Variants in CADM2 observed in about 807,000 individuals in gnomAD.
CADM2 encodes the protein immunoglobulin superfamily member 4D.
In CADM2, 12 loss-of-function variants were observed where a neutral mutation model predicts 49.8. The ratio of observed to expected loss-of-function variants is 0.24; its 90% CI spans 0.15 to 0.39. The LOEUF (loss-of-function observed/expected upper bound fraction) is 0.39. CADM2 is among the 10% of genes least tolerant of loss of function. The pLI is 1.00. For synonymous variants in CADM2, 214 were observed against 175.4 expected (o/e 1.22, Z -1.74); for missense variants, 378 against 492.3 (o/e 0.77, Z 2.20).
At chr3:86,065,507 A>G in intron 8 of CADM2, 98 bp from the exon 9 acceptor site, 1 of 1,258,604 alleles carries the variant, frequency 7.9e-7, no homozygotes. Flanking sequence ...ATTTAACAGA[A>G]ATTGTGTTAA....
intron 1 of CADM2, among the ~76,000 whole-genome samples, chr3:85,238,035 G>C (rs1576186361): frequency 6.6e-6 from 1 of 151,826 alleles, no homozygotes. Flanking sequence ...TTGGTAGTAT[G>C]AATAACACCT....
chr3:86,049,281 A>T (rs189360443), intron 8 of CADM2, among the ~76,000 whole-genome samples: 2,183 of 145,068 alleles, frequency 0.015, 36 homozygotes, highest in East Asian at 0.058. Context: ...TTTATTTTTT[A>T]TTTTTTTTTT....
chr3:85,049,327 G>GTTTGTTTGTTTA (rs373447374), intron 1 of CADM2, among the ~76,000 whole-genome samples: 20 of 146,238 alleles, frequency 1.4e-4, no homozygotes, highest in African/African-American at 5.1e-4. Context: ...TGCAGGTTTA[G>GTTTGTTTGTTTA]TTTATTTATT....
chr3:85,961,689 A>C lies in CADM2; in HGVS notation c.970+42A>C, dbSNP rs749056236. ...AAACATTATATGTGAAAGGATGCATAACTTGAAAAACTATTTAAATATATC... is the reference window on the plus strand; with the variant it reads ...AAACATTATATGTGAAAGGATGCATCACTTGAAAAACTATTTAAATATATC... On this transcript the variant is annotated intron_variant, in intron 8 of 9. Transcript: ENST00000383699. 2.9e-6 allele frequency: 4 copies of C among 1,389,182 alleles called. No individual in the cohort carries two copies. The Admixed American group carries it at 8.4e-5, about 29-fold the overall frequency. The allele number at this position is 1,389,182 out of a possible 1,614,324, so 86.1% of individuals were successfully genotyped here.
chr3:86,008,715 C>A (rs1731094590), intron 8 of CADM2, among the ~76,000 whole-genome samples: 1 of 151,806 alleles, frequency 6.6e-6, no homozygotes, highest in South Asian at 2.1e-4. Flanking sequence ...TTTTCTAGTT[C>A]AAAAACTATT....
At chr3:85,687,184 T>A (rs1559592974) in intron 1 of CADM2, among the ~76,000 whole-genome samples, 1 of 152,256 alleles carries the variant, frequency 6.6e-6, no homozygotes, top group Non-Finnish European at 1.5e-5. Context: ...AAAATTTTTT[T>A]AACTGACAAT....
chr3:85,984,702 A>G (rs1330541320), intron 8 of CADM2, among the ~76,000 whole-genome samples: 3 of 151,922 alleles, frequency 2.0e-5, no homozygotes, highest in Non-Finnish European at 4.4e-5. Context: ...TACACCATAC[A>G]TTTCAATGTA....
intron 1 of CADM2, among the ~76,000 whole-genome samples, chr3:85,215,109 A>G (rs2041887895): frequency 6.6e-6 from 1 of 152,078 alleles, no homozygotes; most frequent in African/African-American, 2.4e-5. Flanking sequence ...CCCAAGGCCC[A>G]TGGGGAGTAA....
chr3:85,537,134 TGTG>T (rs2061437495), intron 1 of CADM2, among the ~76,000 whole-genome samples: 2 of 152,128 alleles, frequency 1.3e-5, no homozygotes, highest in African/African-American at 2.4e-5. Context: ...AATTGTGTGA[TGTG>T]AGAAACAGTA....
intron 1 of CADM2, among the ~76,000 whole-genome samples, chr3:85,070,686 A>T (rs1233085125): frequency 6.6e-6 from 1 of 152,140 alleles, no homozygotes; most frequent in Non-Finnish European, 1.5e-5. Context: ...AATATGGCAT[A>T]GTTTAACATT....
rs112588770 is a variant in CADM2, at chr3:85,046,969, G to T, written c.61+87301G>T. ...CAAATTTCTAAAATAATAAACAATA[G>T]CTTATCATGTCCTAAAAAATAAGAC... On this transcript the variant is annotated intron_variant, in intron 1 of 9. Coordinates refer to ENST00000383699, the MANE Select transcript of CADM2 (RefSeq NM_001167675.2). Among the ~76,000 whole-genome samples the T allele has an allele frequency of 7.5e-3, 1,134 of 152,014 alleles. 15 individuals carry two copies. Among genetic ancestry groups the T allele is most frequent in the African/African-American group, 0.025 (1,029 of 41,454 alleles).
Position 85,883,980 on chromosome 3 carries a change from T to C in CADM2, c.391+537T>C, listed in dbSNP as rs184029026. 4.9e-3 allele frequency among the ~76,000 whole-genome samples: 743 copies of C among 152,340 alleles called. 7 individuals carry two copies. The highest frequency in any genetic ancestry group is 6.7e-3 in the Non-Finnish European group (454 of 68,022). ...TCCTTTTGAAATTATATTTTCTAGA[T>C]TCCTAAATGAAGTACCTAATGTCGC... On this transcript the variant is annotated intron_variant, in intron 4 of 9. Coordinates refer to ENST00000383699, the MANE Select transcript of CADM2 (RefSeq NM_001167675.2).
chr3:85,489,434 T>G (rs1024009544), intron 1 of CADM2, among the ~76,000 whole-genome samples: 1 of 152,162 alleles, frequency 6.6e-6, no homozygotes. Context: ...CAAGTTTTCA[T>G]TTAATATATT....
chr3:85,505,280 G>T (rs1363087884), intron 1 of CADM2, among the ~76,000 whole-genome samples: 2 of 152,230 alleles, frequency 1.3e-5, no homozygotes, highest in Non-Finnish European at 2.9e-5. Flanking sequence ...TATGTAACTT[G>T]TGTTTCAGTT....
intron 2 of CADM2, among the ~76,000 whole-genome samples, chr3:85,732,816 T>A (rs932884787): frequency 6.6e-6 from 1 of 152,220 alleles, no homozygotes; most frequent in Non-Finnish European, 1.5e-5. Flanking sequence ...GAAATTTAAG[T>A]TCACAAAATG....
In CADM2 at chr3:86,034,938, G is replaced by T. The variant is rs767959846; in HGVS notation, c.971-30667G>T. On this transcript the variant is annotated intron_variant, in intron 8 of 9. Transcript: ENST00000383699. ...CCCTACTTCTGCTGCTTTGTTGCAG[G>T]CTTTATTTGTCTCTCACCTAGATGA... 4.7e-4 allele frequency among the ~76,000 whole-genome samples: 72 copies of T among 151,740 alleles called. 1 individual carries two copies. The highest frequency in any genetic ancestry group is 1.9e-4 in the Non-Finnish European group (13 of 67,888).
chr3:85,103,449 G>A (rs917519595), intron 1 of CADM2, among the ~76,000 whole-genome samples: 1 of 152,024 alleles, frequency 6.6e-6, no homozygotes, highest in African/African-American at 2.4e-5. Context: ...TCATGAGGGA[G>A]CACAAGATAA....
At chr3:85,473,578 A>T (rs188317646) in intron 1 of CADM2, among the ~76,000 whole-genome samples, 155 of 152,210 alleles carry the variant, frequency 1.0e-3, no homozygotes, top group Admixed American at 4.4e-3. Context: ...AATGACATTC[A>T]GGTCATCAGG....
At chr3:85,944,157 G>T (rs1388941304) in intron 7 of CADM2, among the ~76,000 whole-genome samples, 1 of 151,938 alleles carries the variant, frequency 6.6e-6, no homozygotes, top group Admixed American at 6.6e-5. Context: ...AACCAACAAA[G>T]ATCAAAAGAG....
Sources: allele counts gnomAD v4.1 joint callset (sites outside exome capture counted in the v4.1 genomes callset), GRCh38; gene constraint gnomAD v4.1.1; transcripts MANE v1.5; gene names NCBI Gene and HGNC (gene_info 2026-07-23, HGNC 2026-07-21).